The following ARHGAP31 variants were observed in gnomAD, a reference collection of about 807,000 sequenced individuals.
ARHGAP31 encodes Rho GTPase activating protein 31.
ARHGAP31 carries 34 observed loss-of-function variants against 113.9 expected under a neutral mutation model. The ratio of observed to expected loss-of-function variants is 0.30; its 90% CI spans 0.23 to 0.40. The LOEUF (loss-of-function observed/expected upper bound fraction) is 0.40, where lower values mean the gene tolerates loss of function less well. Ranked by LOEUF, ARHGAP31 falls within the 10% of genes least tolerant of loss-of-function variation. The pLI is 1.00. For missense variants in ARHGAP31, 1,548 were observed against 1,767.1 expected, an observed-to-expected ratio of 0.88 and a Z score of 2.22; for synonymous variants, 650 against 684.8, an observed-to-expected ratio of 0.95 and a Z score of 0.79.
At chr3:119,320,034 A>G (rs1403169535) in intron 1 of ARHGAP31, among the ~76,000 whole-genome samples, 3 of 152,080 alleles carry the variant, frequency 2.0e-5, no homozygotes, top group South Asian at 4.1e-4. Context: ...TAAATTCTAC[A>G]TCTACCCCAC....
chr3:119,407,433 G>T (rs1024758403), intron 10 of ARHGAP31, among the ~76,000 whole-genome samples: 1 of 151,962 alleles, frequency 6.6e-6, no homozygotes, highest in African/African-American at 2.4e-5. Context: ...CATGGCATGG[G>T]CTTGGTTCAA....
chr3:119,400,064 A>G (rs1478173085), intron 9 of ARHGAP31, among the ~76,000 whole-genome samples: 1 of 152,238 alleles, frequency 6.6e-6, no homozygotes, highest in Admixed American at 6.5e-5. Context: ...CTTTAATACA[A>G]GACATTTTTC....
chr3:119,347,605 G>A (rs1166931811), intron 1 of ARHGAP31, among the ~76,000 whole-genome samples: 2 of 152,182 alleles, frequency 1.3e-5, no homozygotes, highest in East Asian at 3.9e-4. Flanking sequence ...ACAAGCTCAA[G>A]TAGAGATTCA....
intron 1 of ARHGAP31, among the ~76,000 whole-genome samples, chr3:119,318,782 T>C (rs2107601221): frequency 6.6e-6 from 1 of 152,308 alleles, no homozygotes; most frequent in East Asian, 1.9e-4. Flanking sequence ...TCTCTAAAAA[T>C]TCAAAATCTA....
In ARHGAP31 at chr3:119,399,231, A is replaced by G. The variant is rs1442817486; in HGVS notation, c.1039A>G (p.Met347Val). The G allele has an allele frequency of 5.0e-6, 8 of 1,613,788 alleles. No homozygotes were observed. Among genetic ancestry groups the G allele is most frequent in the Non-Finnish European group, 6.8e-6 (8 of 1,179,650 alleles). Reference sequence around the variant, plus strand: ...GGCTACTATCCGACCAGCTAAAAGCATGGACTCACTATGTTCAGTGCCTGT... The same window carrying G: ...GGCTACTATCCGACCAGCTAAAAGCGTGGACTCACTATGTTCAGTGCCTGT... The part of the protein sequence containing the change: ...EKATIRPAKS[M>V]DSLCSVPVEG... Residue 347 changes from methionine to valine, a missense_variant, in exon 9 of 12, where the codon ATG becomes GTG. Transcript: ENST00000264245.
intron 1 of ARHGAP31, among the ~76,000 whole-genome samples, chr3:119,346,570 C>G (rs1254552629): frequency 6.6e-6 from 1 of 152,212 alleles, no homozygotes; most frequent in Non-Finnish European, 1.5e-5. Flanking sequence ...TAAGCTACTT[C>G]TTTGAATCCC....
At position 119,295,553 on chromosome 3, in the gene ARHGAP31, T is replaced by C. The variant is rs73854462; in HGVS notation, c.100+549T>C. ...AAACATTTCTGAATTTCTGAGCTGA[T>C]GCCAAATATATAGTACCTCCACCCC... is the stretch of plus-strand genomic sequence containing the variant. On this transcript the variant is annotated intron_variant, in intron 1 of 11. Transcript: ENST00000264245. Among the ~76,000 whole-genome samples, 188 of 152,162 alleles carry C rather than the reference T, an allele frequency of 1.2e-3. 1 individual carries two copies. The highest frequency in any genetic ancestry group is 4.4e-3 in the African/African-American group (181 of 41,536).
At chr3:119,325,172 CAG>C in intron 1 of ARHGAP31, among the ~76,000 whole-genome samples, 1 of 152,314 alleles carries the variant, frequency 6.6e-6, no homozygotes, top group African/African-American at 2.4e-5. Flanking sequence ...TATATCAACA[CAG>C]ATACTACACA....
At chr3:119,315,790 G>C (rs144762358) in intron 1 of ARHGAP31, among the ~76,000 whole-genome samples, 52 of 152,332 alleles carry the variant, frequency 3.4e-4, no homozygotes, top group Non-Finnish European at 6.0e-4. Context: ...GCACAATACA[G>C]AGAATGTGAA....
chr3:119,410,038 C>T (rs2080702401), intron 11 of ARHGAP31, among the ~76,000 whole-genome samples: 1 of 152,138 alleles, frequency 6.6e-6, no homozygotes, highest in African/African-American at 2.4e-5. Context: ...GACCTGAGGT[C>T]ACCATAAGCC....
chr3:119,337,484 A>G (rs918583341), intron 1 of ARHGAP31, among the ~76,000 whole-genome samples: 12 of 152,198 alleles, frequency 7.9e-5, no homozygotes, highest in African/African-American at 2.7e-4. Context: ...GCAAAAGAAC[A>G]AAGCTTCCAC....
chr3:119,391,598 T>TCCCCCCCCCCC (rs1422804516), intron 7 of ARHGAP31, among the ~76,000 whole-genome samples: 48 of 87,052 alleles, frequency 5.5e-4, no homozygotes, highest in Non-Finnish European at 9.3e-4. Flanking sequence ...TACCCCCCCC[T>TCCCCCCCCCCC]CCCCCCCGCC....
intron 1 of ARHGAP31, among the ~76,000 whole-genome samples, chr3:119,331,602 T>A (rs191350435): frequency 1.3e-5 from 2 of 152,306 alleles, no homozygotes; most frequent in Admixed American, 1.3e-4. Context: ...AAAAACATTC[T>A]GAATCTAATG....
chr3:119,409,841 A>C, intron 11 of ARHGAP31, 65 bp downstream of exon 11: 1 of 1,471,906 alleles, frequency 6.8e-7, no homozygotes, highest in Non-Finnish European at 9.1e-7. Context: ...CTCTTGGTAC[A>C]ATTTAAAGTA....
chr3:119,353,448 A>C (rs1221509939), intron 1 of ARHGAP31, among the ~76,000 whole-genome samples: 2 of 152,210 alleles, frequency 1.3e-5, no homozygotes, highest in Admixed American at 6.5e-5. Flanking sequence ...TACAAAACAG[A>C]GATAAATACC....
intron 1 of ARHGAP31, among the ~76,000 whole-genome samples, chr3:119,343,882 G>A (rs1199769405): frequency 6.6e-6 from 1 of 152,218 alleles, no homozygotes; most frequent in Non-Finnish European, 1.5e-5. Flanking sequence ...ATCTGCTGCT[G>A]CCCATCTTTT....
At chr3:119,359,523 AC>A (rs777207504) in intron 1 of ARHGAP31, among the ~76,000 whole-genome samples, 28 of 152,010 alleles carry the variant, frequency 1.8e-4, no homozygotes, top group Non-Finnish European at 3.2e-4. Flanking sequence ...ATTTAATTCC[AC>A]ATGAAGCCAG....
chr3:119,360,982 T>C (rs1019194465), intron 1 of ARHGAP31, among the ~76,000 whole-genome samples: 3 of 152,318 alleles, frequency 2.0e-5, no homozygotes, highest in Admixed American at 6.5e-5. Flanking sequence ...GTCCTTCCCA[T>C]GCCTAAATCG....
intron 3 of ARHGAP31, among the ~76,000 whole-genome samples, chr3:119,375,270 C>T (rs150738491): frequency 3.3e-5 from 5 of 152,150 alleles, no homozygotes; most frequent in African/African-American, 1.2e-4. Flanking sequence ...TTCAGCAGGG[C>T]GTGCTCTCTC....
Sources: allele counts gnomAD v4.1 joint callset (sites outside exome capture counted in the v4.1 genomes callset), GRCh38; gene constraint gnomAD v4.1.1; transcripts MANE v1.5; gene names NCBI Gene and HGNC (gene_info 2026-07-23, HGNC 2026-07-21).